The following AGAP1 variants were observed in gnomAD, a reference collection of about 807,000 sequenced individuals.
AGAP1 encodes the protein ArfGAP with GTPase domain, ankyrin repeat and PH domain 1, also known as arf-GAP with GTPase, ANK repeat and PH domain-containing protein 1.
A neutral mutation model predicts 105.3 loss-of-function variants in AGAP1; 29 were observed. The observed-to-expected ratio is 0.28, with a 90% confidence interval of 0.21 to 0.38. AGAP1 has a LOEUF of 0.38. AGAP1 is among the 10% of genes least tolerant of loss of function. The probability of loss-of-function intolerance (pLI) is 1.00; values close to 1 mark genes in which losing one functional copy is unlikely to be tolerated. For synonymous variants in AGAP1, 509 were observed against 485.9 expected (o/e 1.05, Z -0.63); for missense variants, 998 against 1,165.1 (o/e 0.86, Z 2.09).
rs1415715831 is a variant in AGAP1 at position 235,733,731 on chromosome 2, C to T, written c.311-7232C>T. On this transcript the variant is annotated intron_variant, in intron 3 of 17. Coordinates refer to ENST00000304032, the MANE Select transcript of AGAP1 (RefSeq NM_001037131.3). The surrounding 1 kb of genome is among the most constrained non-coding windows in gnomAD (Gnocchi z 5.0). Reference sequence around the variant, plus strand: ...GTGCTCACTTCACTGCGGGTCAGAACCCCGGAGTGTTTCACCCATGGAAAT... The same window carrying T: ...GTGCTCACTTCACTGCGGGTCAGAATCCCGGAGTGTTTCACCCATGGAAAT... 1.3e-5 allele frequency among the ~76,000 whole-genome samples: 2 copies of T among 152,086 alleles called. No individual in the cohort carries two copies. The highest frequency in any genetic ancestry group is 2.9e-5 in the Non-Finnish European group (2 of 68,036).
chr2:236,107,009 G>A (rs2059513475), intron 16 of AGAP1, among the ~76,000 whole-genome samples: 1 of 152,212 alleles, frequency 6.6e-6, no homozygotes, highest in South Asian at 2.1e-4. Flanking sequence ...AGAGCACCCT[G>A]GGTAGGGTCT....
Position 235,664,402 on chromosome 2 carries a change from TA to T in AGAP1, c.164-44771del. Among the ~76,000 whole-genome samples the T allele has an allele frequency of 6.6e-6, 1 of 151,934 alleles. No homozygotes were observed. The highest frequency in any genetic ancestry group is 6.6e-5 in the Admixed American group (1 of 15,262). Reference sequence around the variant, plus strand: ...AATTTTTTTTGTATTTTTATAAATATAAAAAAGATTTCACCATGTTGGCCAG... The same window carrying T: ...AATTTTTTTTGTATTTTTATAAATATAAAAAGATTTCACCATGTTGGCCAG... On this transcript the variant is annotated intron_variant, in intron 1 of 17. Coordinates refer to ENST00000304032, the MANE Select transcript of AGAP1 (RefSeq NM_001037131.3). This position sits in a 1 kb window ranked among gnomAD's most constrained non-coding sequence, Gnocchi z 5.7.
chr2:235,660,125 C>T lies in AGAP1; in HGVS notation c.164-49054C>T, dbSNP rs1371813445. Reference sequence around the variant, plus strand: ...GTGACTGTGTTTTCATGTTTTCCACCAAGGGAGGGAGGGACAGGCTTTCTC... The same window carrying T: ...GTGACTGTGTTTTCATGTTTTCCACTAAGGGAGGGAGGGACAGGCTTTCTC... On this transcript the variant is annotated intron_variant, in intron 1 of 17. Coordinates refer to ENST00000304032, the MANE Select transcript of AGAP1 (RefSeq NM_001037131.3). The surrounding 1 kb of genome is among the most constrained non-coding windows in gnomAD (Gnocchi z 5.3). Among the ~76,000 whole-genome samples, 1 of 152,164 alleles carries T rather than the reference C, an allele frequency of 6.6e-6. No homozygotes were observed. Among genetic ancestry groups the T allele is most frequent in the African/African-American group, 2.4e-5 (1 of 41,438 alleles).
rs2050103055 is a variant in AGAP1 at position 235,882,930 on chromosome 2, A to G, written c.1051-415A>G. On this transcript the variant is annotated intron_variant, in intron 9 of 17. Coordinates refer to ENST00000304032, the MANE Select transcript of AGAP1 (RefSeq NM_001037131.3). The surrounding 1 kb of genome is among the most constrained non-coding windows in gnomAD (Gnocchi z 4.6). Reference sequence around the variant, plus strand: ...TGGGCTCAAGAGATCCTCCCACCTCAACCCCCCACGTAACTGGGATTACAG... The same window carrying G: ...TGGGCTCAAGAGATCCTCCCACCTCGACCCCCCACGTAACTGGGATTACAG... 6.6e-6 allele frequency among the ~76,000 whole-genome samples: 1 copy of G among 151,662 alleles called. No homozygotes were observed.
chr2:235,943,347 G>T (rs1308109909), intron 12 of AGAP1, among the ~76,000 whole-genome samples: 2 of 143,988 alleles, frequency 1.4e-5, no homozygotes, highest in African/African-American at 5.3e-5. Flanking sequence ...AAAAGGCAAA[G>T]ACCTAAAGGA....
chr2:235,779,316 G>A (rs1956113468), intron 6 of AGAP1, among the ~76,000 whole-genome samples: 1 of 151,880 alleles, frequency 6.6e-6, no homozygotes, highest in Non-Finnish European at 1.5e-5. Flanking sequence ...ATTTAGCTCT[G>A]CTTTTAAGAC....
At chr2:235,727,711 C>G (rs146822741) in intron 3 of AGAP1, among the ~76,000 whole-genome samples, 7 of 152,322 alleles carry the variant, frequency 4.6e-5, no homozygotes, top group Non-Finnish European at 2.9e-5. Flanking sequence ...CTCCCCCAAC[C>G]TGTTTTATCG....
rs1168370757 is a variant in AGAP1 at position 235,508,672 on chromosome 2, C to T, written c.163+13823C>T. On this transcript the variant is annotated intron_variant, in intron 1 of 17. Coordinates refer to ENST00000304032, the MANE Select transcript of AGAP1 (RefSeq NM_001037131.3). ...CAAACGGCATGCCTTTGAAAATTCA[C>T]CTGCGTTTAGGAAATCTGCAGCACC... Among the ~76,000 whole-genome samples, 9 of 152,160 alleles carry T rather than the reference C, an allele frequency of 5.9e-5. 1 individual carries two copies. Among genetic ancestry groups the T allele is most frequent in the Admixed American group, 2.6e-4 (4 of 15,276 alleles).
At chr2:235,816,169 G>A (rs1398909293) in intron 9 of AGAP1, among the ~76,000 whole-genome samples, 1 of 152,224 alleles carries the variant, frequency 6.6e-6, no homozygotes, top group Non-Finnish European at 1.5e-5. Flanking sequence ...TGGGCATAGT[G>A]GCTCACGCCG....
At chr2:235,711,405 T>G (rs1359028959) in intron 2 of AGAP1, among the ~76,000 whole-genome samples, 2 of 152,200 alleles carry the variant, frequency 1.3e-5, no homozygotes, top group Admixed American at 1.3e-4. Context: ...CACCAAAAAC[T>G]TGTGCTCTGC....
intron 1 of AGAP1, among the ~76,000 whole-genome samples, chr2:235,651,579 C>G (rs1294305585): frequency 2.0e-5 from 3 of 152,130 alleles, no homozygotes; most frequent in Admixed American, 2.0e-4. Flanking sequence ...ACAGTGATGT[C>G]GACGACGTAG....
rs1282646709 is a variant in AGAP1 at position 235,992,758 on chromosome 2, G to A, written c.1645+24135G>A. ...CACCTGGGGATGCGTCGTGGGCGCC[G>A]AGGAGAGCGTAGCCTCCTGTTAACG... On this transcript the variant is annotated intron_variant, in intron 13 of 17. Coordinates refer to ENST00000304032, the MANE Select transcript of AGAP1 (RefSeq NM_001037131.3). The surrounding 1 kb of genome is among the most constrained non-coding windows in gnomAD (Gnocchi z 4.8). 6.6e-6 allele frequency among the ~76,000 whole-genome samples: 1 copy of A among 152,202 alleles called. No homozygotes were observed. Among genetic ancestry groups the A allele is most frequent in the Non-Finnish European group, 1.5e-5 (1 of 68,030 alleles).
chr2:235,924,487 G>A (rs1334904095), intron 11 of AGAP1, among the ~76,000 whole-genome samples: 3 of 152,128 alleles, frequency 2.0e-5, no homozygotes, highest in African/African-American at 7.2e-5. Flanking sequence ...TGCTCGGCCC[G>A]CTAGAAGGTC....
At chr2:235,820,202 T>G (rs1958713582) in intron 9 of AGAP1, among the ~76,000 whole-genome samples, 1 of 152,220 alleles carries the variant, frequency 6.6e-6, no homozygotes, top group Admixed American at 6.5e-5. Context: ...TAAAATGTCT[T>G]TTCTTCACCA....
chr2:235,698,655 T>C (rs60182148), intron 1 of AGAP1, among the ~76,000 whole-genome samples: 1 of 152,148 alleles, frequency 6.6e-6, no homozygotes, highest in Non-Finnish European at 1.5e-5. Context: ...AAGGTGACAA[T>C]GTTCTACCGC....
chr2:235,766,269 T>C (rs2149814427), intron 6 of AGAP1, among the ~76,000 whole-genome samples: 2 of 152,342 alleles, frequency 1.3e-5, no homozygotes, highest in African/African-American at 4.8e-5. Context: ...GAGCGTTTTC[T>C]GCATGCAACA....
intron 13 of AGAP1, among the ~76,000 whole-genome samples, chr2:235,968,913 C>G (rs2054523404): frequency 6.6e-6 from 1 of 152,168 alleles, no homozygotes; most frequent in Non-Finnish European, 1.5e-5. Flanking sequence ...GTTCTGAGGT[C>G]TCGCCCCACC....
Position 236,083,702 on chromosome 2 carries a change from T to G in AGAP1, c.2114+34421T>G, listed in dbSNP as rs1317496106. ...TGTTTTACTTAATATATAGGAAGAT[T>G]TTTTTTTAATACCTTAAAAATACTG... On this transcript the variant is annotated intron_variant, in intron 16 of 17. Coordinates refer to ENST00000304032, the MANE Select transcript of AGAP1 (RefSeq NM_001037131.3). This position sits in a 1 kb window ranked among gnomAD's most constrained non-coding sequence, Gnocchi z 5.3. 6.6e-6 allele frequency among the ~76,000 whole-genome samples: 1 copy of G among 151,960 alleles called. No homozygotes were observed. The highest frequency in any genetic ancestry group is 2.4e-5 in the African/African-American group (1 of 41,394).
intron 9 of AGAP1, among the ~76,000 whole-genome samples, chr2:235,868,182 C>T (rs1414944759): frequency 6.6e-6 from 1 of 151,762 alleles, no homozygotes; most frequent in African/African-American, 2.4e-5. Flanking sequence ...CACCGAAGTA[C>T]TCAAACATCA....
Sources: gnomAD v4.1 joint callset for allele counts (sites outside exome capture counted in the v4.1 genomes callset) on GRCh38, gnomAD v4.1.1 for gene constraint, Gnocchi (gnomAD v3.1) non-coding constraint, MANE v1.5 for transcripts, NCBI Gene and HGNC (gene_info 2026-07-23, HGNC 2026-07-21) for gene names.